FOXP1: variants seen among roughly 807,000 people sequenced by gnomAD.
FOXP1 encodes forkhead box P1, also known as forkhead box protein P1.
FOXP1 carries 15 observed loss-of-function variants against 98.2 expected under a neutral mutation model. The ratio of observed to expected loss-of-function variants is 0.15; its 90% CI spans 0.10 to 0.24. FOXP1 has a LOEUF of 0.24. FOXP1 is among the 10% of genes least tolerant of loss of function. The pLI, the probability that FOXP1 is intolerant of heterozygous loss-of-function variation, is 1.00. For synonymous variants in FOXP1, 371 were observed against 314.5 expected (o/e 1.18, Z -1.90); for missense variants, 633 against 848.5 (o/e 0.75, Z 3.15).
intron 7 of FOXP1, among the ~76,000 whole-genome samples, chr3:71,096,255 T>C (rs1260496509): frequency 6.6e-6 from 1 of 152,204 alleles, no homozygotes; most frequent in Non-Finnish European, 1.5e-5. Flanking sequence ...TACTTAGCTG[T>C]CTTCTTGACT....
chr3:70,981,256 A>AT (rs887211742), intron 14 of FOXP1, among the ~76,000 whole-genome samples: 12 of 152,014 alleles, frequency 7.9e-5, no homozygotes, highest in Admixed American at 7.9e-4. Context: ...AGTTAGCACA[A>AT]TCCACAAAGG....
intron 6 of FOXP1, among the ~76,000 whole-genome samples, chr3:71,182,216 T>G (rs570020862): frequency 7.9e-5 from 12 of 152,194 alleles, no homozygotes; most frequent in East Asian, 7.7e-4. Context: ...TGTGGAGAGA[T>G]AACACCAGGG....
intron 7 of FOXP1, among the ~76,000 whole-genome samples, chr3:71,067,731 T>TACAC (rs6147878): frequency 0.016 from 2,050 of 126,574 alleles, 40 homozygotes; most frequent in African/African-American, 0.043. Flanking sequence ...TCTCCAAAAA[T>TACAC]ACACACACAC....
chr3:71,192,623 A>G (rs1469226619), intron 6 of FOXP1, among the ~76,000 whole-genome samples: 6 of 152,240 alleles, frequency 3.9e-5, no homozygotes, highest in African/African-American at 1.4e-4. Context: ...TTGAATGTGA[A>G]GAAAATAATT....
At chr3:71,194,261 CA>C (rs11445848) in intron 6 of FOXP1, among the ~76,000 whole-genome samples, 6,021 of 113,678 alleles carry the variant, frequency 0.053, 354 homozygotes, top group African/African-American at 0.15. Context: ...CAGGTGGTAC[CA>C]AAAAAAAAAA....
At chr3:71,048,856 T>A (rs1236006213) in intron 9 of FOXP1, among the ~76,000 whole-genome samples, 1 of 152,010 alleles carries the variant, frequency 6.6e-6, no homozygotes, top group African/African-American at 2.4e-5. Context: ...TTACTGTAAA[T>A]GAAATGTTTA....
intron 6 of FOXP1, among the ~76,000 whole-genome samples, chr3:71,113,281 G>A (rs1559955424): frequency 1.3e-5 from 2 of 152,112 alleles, no homozygotes; most frequent in African/African-American, 2.4e-5. Context: ...AACAAAACTG[G>A]TTACGTTTAT....
chr3:71,295,466 C>T (rs2073189200), intron 5 of FOXP1, among the ~76,000 whole-genome samples: 1 of 152,068 alleles, frequency 6.6e-6, no homozygotes, highest in Admixed American at 6.6e-5. Flanking sequence ...CTTCATCTAA[C>T]ATAAAACACC....
At chr3:71,579,887 A>T (rs2048022201) in intron 2 of FOXP1, among the ~76,000 whole-genome samples, 1 of 152,148 alleles carries the variant, frequency 6.6e-6, no homozygotes, top group Non-Finnish European at 1.5e-5. Context: ...TAAAAAAAAT[A>T]ACTTGTTTCG....
chr3:71,444,261 TC>T (rs2086209870), intron 3 of FOXP1, among the ~76,000 whole-genome samples: 1 of 152,124 alleles, frequency 6.6e-6, no homozygotes, highest in South Asian at 2.1e-4. Flanking sequence ...TGGCTGCCTC[TC>T]GTCCCACTCC....
At chr3:71,138,061 T>G (rs1272547746) in intron 6 of FOXP1, among the ~76,000 whole-genome samples, 3 of 152,168 alleles carry the variant, frequency 2.0e-5, no homozygotes, top group Non-Finnish European at 1.5e-5. Flanking sequence ...GGATCTCTCC[T>G]TGTAATGTAT....
intron 5 of FOXP1, among the ~76,000 whole-genome samples, chr3:71,273,934 T>C (rs1423515732): frequency 6.6e-6 from 1 of 152,218 alleles, no homozygotes; most frequent in Non-Finnish European, 1.5e-5. Flanking sequence ...TGTCTGCTCA[T>C]GCTCTTCTCA....
intron 11 of FOXP1, among the ~76,000 whole-genome samples, chr3:71,040,918 A>G (rs558245904): frequency 3.9e-5 from 6 of 152,284 alleles, no homozygotes; most frequent in Non-Finnish European, 4.4e-5. Flanking sequence ...GTAGAGTAAC[A>G]TAAGTTCTAT....
chr3:71,081,377 G>A (rs1014052272), intron 7 of FOXP1, among the ~76,000 whole-genome samples: 2 of 152,162 alleles, frequency 1.3e-5, no homozygotes, highest in Non-Finnish European at 2.9e-5. Flanking sequence ...ATCTGGAATA[G>A]ATTTAGCGAT....
intron 3 of FOXP1, among the ~76,000 whole-genome samples, chr3:71,434,931 C>G (rs913623760): frequency 6.6e-6 from 1 of 151,950 alleles, no homozygotes; most frequent in Admixed American, 6.6e-5. Context: ...GCTTGGCTAA[C>G]AGGCCCCCGT....
chr3:71,506,028 C>G (rs2107257980), intron 2 of FOXP1, among the ~76,000 whole-genome samples: 1 of 152,332 alleles, frequency 6.6e-6, no homozygotes, highest in African/African-American at 2.4e-5. Context: ...AATAACATTT[C>G]AAGACAACAA....
intron 3 of FOXP1, among the ~76,000 whole-genome samples, chr3:71,492,408 C>T (rs2091127430): frequency 6.6e-6 from 1 of 150,866 alleles, no homozygotes; most frequent in Non-Finnish European, 1.5e-5. Flanking sequence ...GCCGAGATCG[C>T]GCCACTGCAC....
chr3:71,364,130 A>G (rs1646496631), intron 3 of FOXP1, among the ~76,000 whole-genome samples: 1 of 152,200 alleles, frequency 6.6e-6, no homozygotes, highest in Admixed American at 6.5e-5. Context: ...AATTTCAAAA[A>G]TTTCAAATTC....
At chr3:71,198,461 T>C (rs2063450002) in intron 5 of FOXP1, 69 bp from the exon 6 acceptor site, 6 of 1,365,902 alleles carry the variant, frequency 4.4e-6, no homozygotes, top group Non-Finnish European at 5.2e-6. Context: ...TTAAAGCAGT[T>C]GTTGTGCATA....
Sources: allele counts gnomAD v4.1 joint callset (sites outside exome capture counted in the v4.1 genomes callset), GRCh38; gene constraint gnomAD v4.1.1; transcripts MANE v1.5; gene names NCBI Gene and HGNC (gene_info 2026-07-23, HGNC 2026-07-21).